The following SLC30A9 variants were observed in gnomAD, a reference collection of about 807,000 sequenced individuals.
SLC30A9 encodes the protein solute carrier family 30 member 9.
In SLC30A9, 58 loss-of-function variants were observed where a neutral mutation model predicts 87.5. That is an observed-to-expected ratio of 0.66 (90% CI 0.54 to 0.82). The LOEUF is 0.82. SLC30A9 is among the 40% of genes least tolerant of loss of function. The pLI is 0.00. For synonymous variants in SLC30A9, 234 were observed against 233.0 expected, an observed-to-expected ratio of 1.00 and a Z score of -0.04; for missense variants, 557 against 679.1, an observed-to-expected ratio of 0.82 and a Z score of 2.00.
chr4:42,015,167 C>T (rs933861689), intron 2 of SLC30A9, among the ~76,000 whole-genome samples: 1 of 151,814 alleles, frequency 6.6e-6, no homozygotes, highest in Non-Finnish European at 1.5e-5. Context: ...TCATGTACCC[C>T]ATAAATGTTT....
chr4:42,076,105 A>C (rs1483834865), intron 16 of SLC30A9, among the ~76,000 whole-genome samples: 1 of 152,162 alleles, frequency 6.6e-6, no homozygotes, highest in Non-Finnish European at 1.5e-5. Flanking sequence ...AGATTAAGTA[A>C]TTTGCCTTAA....
At chr4:42,054,284 G>A (rs1717510945) in intron 9 of SLC30A9, among the ~76,000 whole-genome samples, 1 of 152,076 alleles carries the variant, frequency 6.6e-6, no homozygotes, top group Non-Finnish European at 1.5e-5. Context: ...CTTGAACCCG[G>A]GAGGCAGAGG....
intron 9 of SLC30A9, among the ~76,000 whole-genome samples, chr4:42,054,968 C>T (rs1408428776): frequency 2.0e-5 from 3 of 152,076 alleles, no homozygotes; most frequent in East Asian, 1.9e-4. Context: ...TGAAATAAAA[C>T]ATATTTGGTT....
At chr4:42,000,542 C>G (rs1714937419) in intron 1 of SLC30A9, among the ~76,000 whole-genome samples, 1 of 152,060 alleles carries the variant, frequency 6.6e-6, no homozygotes, top group Admixed American at 6.5e-5. Context: ...CAGTTCACAT[C>G]AGAAAGTTTT....
rs746680331 is a variant in SLC30A9 at position 42,001,800 on chromosome 4, T to G, written c.274+20T>G. The G allele has an allele frequency of 3.8e-6, 6 of 1,572,590 alleles. No individual in the cohort carries two copies. The highest frequency in any genetic ancestry group is 5.2e-6 in the Non-Finnish European group (6 of 1,153,324). On this transcript the variant is annotated intron_variant, in intron 2 of 17. Coordinates refer to ENST00000264451, the MANE Select transcript of SLC30A9 (RefSeq NM_006345.4). ...AAACAGGTATGTGTAATTTTTTTAA[T>G]GTACTTTTTTCTGTATACTGGAATA... is the stretch of plus-strand genomic sequence containing the variant.
intron 6 of SLC30A9, chr4:42,029,672 T>C: frequency 1.3e-6 from 1 of 753,608 alleles, no homozygotes; most frequent in Non-Finnish European, 2.4e-6. Flanking sequence ...GATTCAAGCT[T>C]GAGTGGCTGG....
intron 12 of SLC30A9, among the ~76,000 whole-genome samples, 198 bp downstream of exon 12, chr4:42,065,547 G>A (rs573966067): frequency 6.6e-6 from 1 of 152,162 alleles, no homozygotes; most frequent in Admixed American, 6.6e-5. Context: ...CTGTGGGGGG[G>A]TGTGTAACTG....
chr4:42,083,587 G>A (rs1577728149), intron 17 of SLC30A9, among the ~76,000 whole-genome samples: 1 of 152,008 alleles, frequency 6.6e-6, no homozygotes, highest in East Asian at 1.9e-4. Flanking sequence ...TTAAAAAGCA[G>A]AGCAAATTTT....
intron 2 of SLC30A9, among the ~76,000 whole-genome samples, chr4:42,003,142 G>A (rs1715057324): frequency 1.3e-5 from 2 of 151,990 alleles, no homozygotes; most frequent in Admixed American, 1.3e-4. Flanking sequence ...ACAGATAGAT[G>A]GAATTTTTGT....
In SLC30A9 at chr4:42,018,121, A is replaced by G; in HGVS notation, c.285A>G (p.Ile95Met). 1 of 1,546,082 alleles carries G rather than the reference A, an allele frequency of 6.5e-7. No homozygotes were observed. Among genetic ancestry groups the G allele is most frequent in the Admixed American group, 1.7e-5 (1 of 58,758 alleles). The change falls in exon 3 of 18, where the codon ATA becomes ATG. Residue 95 changes from isoleucine (I) to methionine (M), a missense_variant. This residue lies in a region of SLC30A9 where 467 missense variants were observed against 529.8 expected (regional missense o/e 0.88). Coordinates refer to ENST00000264451, the MANE Select transcript of SLC30A9 (RefSeq NM_006345.4). Reference protein sequence around the residue: ...KVPSFETAEGIGTELKAPLKQ... With the variant: ...KVPSFETAEGMGTELKAPLKQ... The stretch of plus-strand genomic sequence containing the variant: ...TAATAAACTTTACAGCAGAAGGTAT[A>G]GGCACAGAACTCAAAGCTCCACTTA...
intron 9 of SLC30A9, among the ~76,000 whole-genome samples, chr4:42,051,093 C>T (rs1717364409): frequency 1.3e-5 from 2 of 152,144 alleles, no homozygotes; most frequent in Admixed American, 1.3e-4. Flanking sequence ...ATTCCCACTG[C>T]TCACACAAAG....
chr4:42,007,427 A>G (rs986926610), intron 2 of SLC30A9, among the ~76,000 whole-genome samples: 3 of 152,150 alleles, frequency 2.0e-5, no homozygotes, highest in Non-Finnish European at 2.9e-5. Flanking sequence ...TTATCCAGTG[A>G]ATCTACTAGT....
At chr4:42,038,956 G>A (rs1335692722) in intron 7 of SLC30A9, 30 bp from the exon 8 acceptor site, 6 of 1,584,600 alleles carry the variant, frequency 3.8e-6, no homozygotes, top group Admixed American at 1.7e-5. Context: ...AATTTTGGAG[G>A]TATTAAAAAA....
chr4:42,013,173 T>C lies in SLC30A9; in HGVS notation c.275-4938T>C, dbSNP rs184531504. 1.0e-3 allele frequency among the ~76,000 whole-genome samples: 155 copies of C among 152,134 alleles called. 1 individual carries two copies. The highest frequency in any genetic ancestry group is 3.6e-3 in the African/African-American group (150 of 41,516). The stretch of plus-strand genomic sequence containing the variant: ...AGTGTTCACCTCTGGTCCCAGCTAC[T>C]AGAGAAGCTGAGGTGGGATCACTTG... On this transcript the variant is annotated intron_variant, in intron 2 of 17. Coordinates refer to ENST00000264451, the MANE Select transcript of SLC30A9 (RefSeq NM_006345.4).
intron 9 of SLC30A9, among the ~76,000 whole-genome samples, chr4:42,054,313 G>T (rs1008279800): frequency 1.3e-5 from 2 of 152,188 alleles, no homozygotes; most frequent in Non-Finnish European, 2.9e-5. Context: ...AGTCAAGATG[G>T]CACCACTGTA....
At chr4:42,054,824 A>C (rs1475843693) in intron 9 of SLC30A9, among the ~76,000 whole-genome samples, 1 of 152,060 alleles carries the variant, frequency 6.6e-6, no homozygotes, top group African/African-American at 2.4e-5. Flanking sequence ...GATTTTTAAA[A>C]GTCTGATAAT....
At chr4:42,026,430 A>G (rs1259383999) in intron 6 of SLC30A9, among the ~76,000 whole-genome samples, 2 of 152,200 alleles carry the variant, frequency 1.3e-5, no homozygotes, top group East Asian at 1.9e-4. Flanking sequence ...ATGTACTAGT[A>G]TTTATGAAAA....
intron 6 of SLC30A9, among the ~76,000 whole-genome samples, chr4:42,028,520 T>A (rs1290137519): frequency 2.0e-5 from 3 of 152,224 alleles, no homozygotes; most frequent in African/African-American, 7.2e-5. Flanking sequence ...TAAAAATACA[T>A]GTGGAGCAGA....
chr4:42,059,475 A>G (rs1008327563), intron 9 of SLC30A9, among the ~76,000 whole-genome samples: 7 of 152,216 alleles, frequency 4.6e-5, no homozygotes, highest in Non-Finnish European at 1.0e-4. Context: ...GATGAAGGCA[A>G]GTGAGACAGA....
Sources: gnomAD v4.1 joint callset for allele counts (sites outside exome capture counted in the v4.1 genomes callset) on GRCh38, gnomAD v4.1.1 for gene constraint, gnomAD v4.1.1 regional missense constraint, MANE v1.5 for transcripts, NCBI Gene and HGNC (gene_info 2026-07-23, HGNC 2026-07-21) for gene names.